The following ZFAT variants were observed in gnomAD, a reference collection of about 807,000 sequenced individuals.
The protein encoded by ZFAT is zinc finger protein ZFAT.
ZFAT carries 64 observed loss-of-function variants against 117.7 expected under a neutral mutation model. The observed-to-expected ratio is 0.54, with a 90% CI of 0.44 to 0.67. ZFAT has a LOEUF of 0.67. ZFAT is among the 30% of genes least tolerant of loss of function. The pLI, the probability that ZFAT is intolerant of heterozygous loss-of-function variation, is 0.00. For synonymous variants in ZFAT, 679 were observed against 615.0 expected (o/e 1.10, Z -1.54); for missense variants, 1,433 against 1,584.5 (o/e 0.90, Z 1.62).
At chr8:134,685,610 C>T (rs1833281023) in intron 1 of ZFAT, among the ~76,000 whole-genome samples, 1 of 152,166 alleles carries the variant, frequency 6.6e-6, no homozygotes, top group Non-Finnish European at 1.5e-5. Flanking sequence ...AGCATGCCCA[C>T]TGCACAGGTT....
intron 10 of ZFAT, among the ~76,000 whole-genome samples, chr8:134,568,319 A>T (rs1448327454): frequency 2.0e-5 from 3 of 152,238 alleles, no homozygotes; most frequent in Non-Finnish European, 4.4e-5. Context: ...CTTAAAAAAA[A>T]TACAGTAACA....
intron 1 of ZFAT, among the ~76,000 whole-genome samples, chr8:134,682,384 G>A (rs181227561): frequency 8.5e-4 from 129 of 152,342 alleles, no homozygotes; most frequent in African/African-American, 2.9e-3. Context: ...GGCCGGGCAC[G>A]GTGGCTCATG....
At chr8:134,708,126 C>T (rs1185673128) in intron 1 of ZFAT, among the ~76,000 whole-genome samples, 1 of 152,170 alleles carries the variant, frequency 6.6e-6, no homozygotes, top group Non-Finnish European at 1.5e-5. Flanking sequence ...TACATGTGAA[C>T]TCTAAAACAA....
chr8:134,805,770 C>A, the ZFAT span, among the ~76,000 whole-genome samples: 13 of 152,060 alleles, frequency 8.5e-5, no homozygotes, highest in South Asian at 2.7e-3. Flanking sequence ...CGCTTGAGTC[C>A]CGGAGTTCAA....
At chr8:134,744,919 T>C in the ZFAT span, among the ~76,000 whole-genome samples, 11 of 151,702 alleles carry the variant, frequency 7.3e-5, no homozygotes, top group South Asian at 8.3e-4. Flanking sequence ...TTAGTGGAGA[T>C]GGGGTTTCAC....
At chr8:134,613,140 T>C (rs1453415354) in intron 3 of ZFAT, among the ~76,000 whole-genome samples, 1 of 152,196 alleles carries the variant, frequency 6.6e-6, no homozygotes, top group Non-Finnish European at 1.5e-5. Context: ...CCTTGCTTTA[T>C]ACCGGAATTC....
the ZFAT span, among the ~76,000 whole-genome samples, chr8:134,772,999 T>C: frequency 1.3e-5 from 2 of 148,446 alleles, no homozygotes; most frequent in Non-Finnish European, 3.0e-5. Flanking sequence ...GGCCGAGGTG[T>C]GGGAGGATTG....
At chr8:134,714,094 G>T, upstream of ZFAT, among the ~76,000 whole-genome samples, 1 of 140,760 alleles carries the variant, frequency 7.1e-6, no homozygotes, top group African/African-American at 2.7e-5. Flanking sequence ...TGGTGTACAT[G>T]CTGCAAAGAC....
chr8:134,674,092 T>A (rs1279244598), intron 1 of ZFAT, among the ~76,000 whole-genome samples: 1 of 152,174 alleles, frequency 6.6e-6, no homozygotes, highest in Non-Finnish European at 1.5e-5. Context: ...TCAGTCTGGT[T>A]GGACAGTGGG....
chr8:134,610,438 T>A, intron 4 of ZFAT, 32 bp downstream of exon 4: 1 of 1,599,252 alleles, frequency 6.3e-7, no homozygotes, highest in Non-Finnish European at 8.5e-7. Flanking sequence ...GCCAAGGGTC[T>A]TGCCTTTTCC....
chr8:134,500,787 G>T (rs935783185), intron 15 of ZFAT, among the ~76,000 whole-genome samples: 1 of 152,220 alleles, frequency 6.6e-6, no homozygotes, highest in Non-Finnish European at 1.5e-5. Context: ...GTAACCTATT[G>T]CCAAGACTCT....
At chr8:134,491,652 A>T (rs1818063891) in intron 15 of ZFAT, among the ~76,000 whole-genome samples, 1 of 152,172 alleles carries the variant, frequency 6.6e-6, no homozygotes, top group Non-Finnish European at 1.5e-5. Context: ...CTTCAAAGCC[A>T]ACGACATTTG....
the ZFAT span, among the ~76,000 whole-genome samples, chr8:134,749,404 G>A: frequency 2.0e-5 from 3 of 152,162 alleles, no homozygotes; most frequent in African/African-American, 7.2e-5. Flanking sequence ...AACAAGTTTG[G>A]TGTATGGTGA....
At chr8:134,692,127 G>A (rs572186553) in intron 1 of ZFAT, among the ~76,000 whole-genome samples, 6 of 152,268 alleles carry the variant, frequency 3.9e-5, no homozygotes, top group South Asian at 2.1e-4. Flanking sequence ...GTAAGCCACC[G>A]TGCCCGGCCT....
upstream of ZFAT, among the ~76,000 whole-genome samples, chr8:134,713,945 A>C (rs1814145448): frequency 1.3e-5 from 2 of 151,954 alleles, no homozygotes; most frequent in Admixed American, 6.6e-5. Flanking sequence ...ACAGTTATTT[A>C]TTTCATGAGT....
At chr8:134,539,096 G>A (rs1381035750) in intron 11 of ZFAT, among the ~76,000 whole-genome samples, 8 of 152,166 alleles carry the variant, frequency 5.3e-5, no homozygotes, top group South Asian at 2.1e-4. Flanking sequence ...TATCTCACCC[G>A]TGAAACTGGG....
intron 7 of ZFAT, chr8:134,599,411 G>A (rs1277379316): frequency 4.3e-6 from 1 of 233,468 alleles, no homozygotes; most frequent in Non-Finnish European, 8.6e-6. Flanking sequence ...GCATATGTGT[G>A]TGGATGTATA....
chr8:134,566,163 G>A (rs896563089), intron 10 of ZFAT, among the ~76,000 whole-genome samples: 2 of 152,154 alleles, frequency 1.3e-5, no homozygotes, highest in Non-Finnish European at 2.9e-5. Flanking sequence ...GGGAGGCCGA[G>A]ATGGGCAGAT....
At chr8:134,712,760 C>A in intron 1 of ZFAT, 85 bp downstream of exon 1, 8 of 1,377,686 alleles carry the variant, frequency 5.8e-6, no homozygotes, top group Non-Finnish European at 7.7e-6. Flanking sequence ...CACTGCTTCC[C>A]GACTCGACGC....
Sources: allele counts gnomAD v4.1 joint callset (sites outside exome capture counted in the v4.1 genomes callset), GRCh38; gene constraint gnomAD v4.1.1; transcripts MANE v1.5; gene names NCBI Gene and HGNC (gene_info 2026-07-23, HGNC 2026-07-21).